The following ZNF189 variants were observed in gnomAD, a reference collection of about 807,000 sequenced individuals.
ZNF189 encodes the protein zinc finger protein 189.
ZNF189 carries 33 observed loss-of-function variants against 53.5 expected under a neutral mutation model. That is an observed-to-expected ratio of 0.62 (90% CI 0.47 to 0.82). The LOEUF (loss-of-function observed/expected upper bound fraction) is 0.82, where lower values mean the gene tolerates loss of function less well. ZNF189 is among the 40% of genes least tolerant of loss of function. The probability of loss-of-function intolerance (pLI) is 0.00; values close to 1 mark genes in which losing one functional copy is unlikely to be tolerated. For synonymous variants in ZNF189, 247 were observed against 238.8 expected (o/e 1.03, Z -0.32); for missense variants, 711 against 753.9 (o/e 0.94, Z 0.67).
rs748821538 is a variant in ZNF189, at chr9:101,409,171, G to A, written c.1403G>A (p.Ser468Asn). The A allele has an allele frequency of 2.4e-5, 39 of 1,613,934 alleles. No individual in the cohort carries two copies. Among genetic ancestry groups the A allele is most frequent in the Non-Finnish European group, 3.0e-5 (35 of 1,180,000 alleles). Reference sequence around the variant, plus strand: ...GAATGTGGGAAAACTTTTAGTGTTAGTGCTCATCTTGTACAACATCAAAGA... The same window carrying A: ...GAATGTGGGAAAACTTTTAGTGTTAATGCTCATCTTGTACAACATCAAAGA... ...CDECGKTFSV[S>N]AHLVQHQRIH... is the part of the protein sequence containing the mutation. Residue 468 changes from serine (S) to asparagine (N), a missense_variant, in exon 3 of 3, where the codon AGT becomes AAT. Transcript: ENST00000339664.
rs200753298 is a variant in ZNF189 at position 101,409,471 on chromosome 9, A to T, written c.1703A>T (p.Tyr568Phe). The change falls in exon 3 of 3, where the codon TAT becomes TTT. Residue 568 changes from tyrosine (Y) to phenylalanine (F), a missense_variant. Tyr to Phe is a conservative substitution (Grantham distance 22). Transcript: ENST00000339664. Reference sequence around the variant, plus strand: ...AGAATACACACAGGAGAGAAACCTTATAAGTGTGAGAAGTGCGACAAAAGT... The same window carrying T: ...AGAATACACACAGGAGAGAAACCTTTTAAGTGTGAGAAGTGCGACAAAAGT... Reference protein sequence around the residue: ...HQRIHTGEKPYKCEKCDKSFS... With the variant: ...HQRIHTGEKPFKCEKCDKSFS... The T allele has an allele frequency of 1.2e-5, 19 of 1,614,180 alleles. No individual in the cohort carries two copies. The South Asian group carries it at 1.6e-4, about 14-fold the overall frequency.
chr9:101,408,106 T>A lies in ZNF189; in HGVS notation c.338T>A (p.Ile113Asn). 2 of 1,613,922 alleles carry A rather than the reference T, an allele frequency of 1.2e-6. No homozygotes were observed. Among genetic ancestry groups the A allele is most frequent in the Non-Finnish European group, 1.7e-6 (2 of 1,179,944 alleles). The change falls in exon 3 of 3, where the codon ATC becomes AAC. Residue 113 changes from isoleucine to asparagine, a missense_variant. Physicochemically the swap from Ile to Asn is moderately radical, Grantham distance 149. Transcript: ENST00000339664. ...LVGRLDKQRG[I>N]FLWEIPRESL... ...GGTAGGTTAGATAAACAAAGAGGGA[T>A]CTTCCTATGGGAAATACCAAGGGAA...
chr9:101,409,301 C>G lies in ZNF189; in HGVS notation c.1533C>G (p.Pro511=), dbSNP rs776579032. 6.2e-7 allele frequency: 1 copy of G among 1,614,142 alleles called. No homozygotes were observed. The highest frequency in any genetic ancestry group is 1.1e-5 in the South Asian group (1 of 91,082). Residue 511 remains proline (P), a synonymous_variant, in exon 3 of 3, where the codon CCC becomes CCG. Transcript: ENST00000339664. ...EHQRIHTGER[P]YLCRQCGKSF... ...AGAGAATCCACACTGGTGAGAGACC[C>G]TATCTGTGCAGACAGTGTGGAAAAA...
intron 2 of ZNF189, among the ~76,000 whole-genome samples, chr9:101,404,586 G>C (rs1159258299): frequency 1.3e-5 from 2 of 151,966 alleles, no homozygotes; most frequent in African/African-American, 4.8e-5. Context: ...TATCATTTCT[G>C]TATAATATTT....
At chr9:101,404,139 A>G (rs191824788) in intron 2 of ZNF189, among the ~76,000 whole-genome samples, 3 of 152,358 alleles carry the variant, frequency 2.0e-5, no homozygotes, top group Non-Finnish European at 2.9e-5. Flanking sequence ...TCTAATGGAT[A>G]GTCACTTCAA....
intron 2 of ZNF189, among the ~76,000 whole-genome samples, chr9:101,403,142 GTC>G (rs1347313419): frequency 7.0e-6 from 1 of 142,396 alleles, no homozygotes; most frequent in Non-Finnish European, 1.5e-5. Context: ...ATACCATGTT[GTC>G]TCTCAGTCAC....
rs1830469916 is a variant in ZNF189 at position 101,399,901 on chromosome 9, G to A, written c.51G>A (p.Glu17=). The A allele has an allele frequency of 6.2e-7, 1 of 1,614,044 alleles. No homozygotes were observed. Among genetic ancestry groups the A allele is most frequent in the Admixed American group, 1.7e-5 (1 of 60,012 alleles). Residue 17 remains glutamate (E), a synonymous_variant, in exon 2 of 3, where the codon GAG becomes GAA. Transcript: ENST00000339664. ...TATTTCAGGGGTTGCTGACATTTGA[G>A]GATGTGGCTGTGTTTTTTACCCAGG... The part of the protein sequence containing the change: ...PPESKGLLTF[E]DVAVFFTQEE...
At position 101,408,643 on chromosome 9, in the gene ZNF189, A is replaced by G; in HGVS notation, c.875A>G (p.Lys292Arg). ...GGTGAGAAACCTTATCACTGTACCA[A>G]ATGTAAGAAGAGCTTTAGTCGAAAT... is the stretch of plus-strand genomic sequence containing the variant. ...HTGEKPYHCT[K>R]CKKSFSRNSL... is the part of the protein sequence containing the mutation. The change falls in exon 3 of 3, where the codon AAA becomes AGA. Residue 292 changes from lysine to arginine, a missense_variant. By Grantham distance (26) the Lys-to-Arg change is conservative (BLOSUM62 2). Transcript: ENST00000339664. 2.5e-6 allele frequency: 4 copies of G among 1,614,116 alleles called. No homozygotes were observed. The highest frequency in any genetic ancestry group is 3.4e-6 in the Non-Finnish European group (4 of 1,180,014).
rs185679182 is a variant in ZNF189, at chr9:101,400,626, C to G, written c.160+616C>G. Among the ~76,000 whole-genome samples the G allele has an allele frequency of 2.2e-4, 34 of 152,316 alleles. No individual in the cohort carries two copies. The South Asian group carries it at 2.3e-3, about 10-fold the overall frequency. ...TTTTAGTTTGGTCCTTCACACATAA[C>G]TTTGTCACATGTTTCATAGTCTATT... On this transcript the variant is annotated intron_variant, in intron 2 of 2. Coordinates refer to ENST00000339664, the MANE Select transcript of ZNF189 (RefSeq NM_003452.4).
At chr9:101,400,432 T>G (rs1266429793) in intron 2 of ZNF189, among the ~76,000 whole-genome samples, 1 of 152,182 alleles carries the variant, frequency 6.6e-6, no homozygotes. Context: ...CACATCCTCC[T>G]CCTTCCCCAT....
rs1190810571 is a variant in ZNF189, at chr9:101,409,081, A to T, written c.1313A>T (p.Asp438Val). Reference protein sequence around the residue: ...YPYNETKESFDPNCSLVIQQE... With the variant: ...YPYNETKESFVPNCSLVIQQE... ...TACAATGAAACTAAGGAAAGTTTTGATCCAAATTGCAGTCTTGTTATACAG... is the reference window on the plus strand; with the variant it reads ...TACAATGAAACTAAGGAAAGTTTTGTTCCAAATTGCAGTCTTGTTATACAG... Residue 438 changes from aspartate to valine, a missense_variant, in exon 3 of 3, where the codon GAT becomes GTT. Physicochemically the swap from Asp to Val is radical, Grantham distance 152. Coordinates refer to ENST00000339664, the MANE Select transcript of ZNF189 (RefSeq NM_003452.4). 6.2e-7 allele frequency: 1 copy of T among 1,613,848 alleles called. No individual in the cohort carries two copies. The highest frequency in any genetic ancestry group is 8.5e-7 in the Non-Finnish European group (1 of 1,179,982).
chr9:101,409,457 A>G lies in ZNF189; in HGVS notation c.1689A>G (p.Thr563=), dbSNP rs200904949. 8.1e-5 allele frequency: 130 copies of G among 1,614,062 alleles called. No individual in the cohort carries two copies. The highest frequency in any genetic ancestry group is 2.2e-4 in the South Asian group (20 of 91,086). ...TTATTCAGCATCAGAGAATACACAC[A>G]GGAGAGAAACCTTATAAGTGTGAGA... ...SGLIQHQRIH[T]GEKPYKCEKC... Residue 563 remains threonine, a synonymous_variant, in exon 3 of 3, where the codon ACA becomes ACG. Coordinates refer to ENST00000339664, the MANE Select transcript of ZNF189 (RefSeq NM_003452.4).
In ZNF189 at chr9:101,408,432, C is replaced by T. The variant is rs201657563; in HGVS notation, c.664C>T (p.His222Tyr). The T allele has an allele frequency of 1.9e-6, 3 of 1,613,858 alleles. No individual in the cohort carries two copies. Among genetic ancestry groups the T allele is most frequent in the East Asian group, 2.2e-5 (1 of 44,836 alleles). ...TFSVSSTLIR[H>Y]QRIHTGERPY... ...TAGTGTGAGCTCAACCCTTATTAGA[C>T]ATCAGAGAATCCACACTGGAGAAAG... Residue 222 changes from histidine to tyrosine, a missense_variant, in exon 3 of 3, where the codon CAT (histidine) becomes TAT (tyrosine). Coordinates refer to ENST00000339664, the MANE Select transcript of ZNF189 (RefSeq NM_003452.4).
At chr9:101,405,772 G>A (rs1277814330) in intron 2 of ZNF189, among the ~76,000 whole-genome samples, 1 of 152,038 alleles carries the variant, frequency 6.6e-6, no homozygotes, top group African/African-American at 2.4e-5. Context: ...AATAACATAA[G>A]GACTGAAACA....
chr9:101,404,952 A>G (rs1440189422), intron 2 of ZNF189, among the ~76,000 whole-genome samples: 1 of 152,244 alleles, frequency 6.6e-6, no homozygotes, highest in Non-Finnish European at 1.5e-5. Context: ...AAGGCTTTGT[A>G]GAGGAACTGT....
Position 101,409,148 on chromosome 9 carries a change from A to G in ZNF189, c.1380A>G (p.Glu460=), listed in dbSNP as rs2118277477. Residue 460 remains glutamate (E), a synonymous_variant, in exon 3 of 3, where the codon GAA becomes GAG. Coordinates refer to ENST00000339664, the MANE Select transcript of ZNF189 (RefSeq NM_003452.4). ...YPKEKSYKCD[E]CGKTFSVSAH... ...AGGAGAAATCTTATAAATGTGATGA[A>G]TGTGGGAAAACTTTTAGTGTTAGTG... 1.2e-6 allele frequency: 2 copies of G among 1,614,150 alleles called. No individual in the cohort carries two copies. The highest frequency in any genetic ancestry group is 4.5e-5 in the East Asian group (2 of 44,872).
Position 101,409,245 on chromosome 9 carries a change from T to C in ZNF189, c.1477T>C (p.Phe493Leu), listed in dbSNP as rs778349300. 3 of 1,613,554 alleles carry C rather than the reference T, an allele frequency of 1.9e-6. No homozygotes were observed. Among genetic ancestry groups the C allele is most frequent in the Non-Finnish European group, 2.5e-6 (3 of 1,179,542 alleles). ...PYLCTVCGKS[F>L]SRSSFLIEHQ... ...TCTATGTACTGTCTGTGGGAAAAGC[T>C]TCAGCCGGAGCTCATTTCTTATTGA... Residue 493 changes from phenylalanine to leucine, a missense_variant, in exon 3 of 3, where the codon TTC becomes CTC. Phe to Leu is a conservative substitution (Grantham distance 22, BLOSUM62 0). Transcript: ENST00000339664.
At chr9:101,401,776 T>C (rs1358415091) in intron 2 of ZNF189, among the ~76,000 whole-genome samples, 1 of 152,214 alleles carries the variant, frequency 6.6e-6, no homozygotes, top group Non-Finnish European at 1.5e-5. Flanking sequence ...CTTATTTTAG[T>C]CTACCTCTCT....
intron 2 of ZNF189, chr9:101,407,677 G>T: frequency 6.6e-6 from 3 of 451,764 alleles, no homozygotes. Context: ...TTACAGGCAT[G>T]AGCCACTATG....
Sources: gnomAD v4.1 joint callset for allele counts (sites outside exome capture counted in the v4.1 genomes callset) on GRCh38, gnomAD v4.1.1 for gene constraint, MANE v1.5 for transcripts, NCBI Gene and HGNC (gene_info 2026-07-23, HGNC 2026-07-21) for gene names.